Variants in ATXN7 observed in about 807,000 individuals in gnomAD.
ATXN7 encodes the protein ataxin 7.
ATXN7 carries 12 observed loss-of-function variants against 70.5 expected under a neutral mutation model. The observed-to-expected ratio is 0.17, with a 90% CI of 0.11 to 0.28. The LOEUF is 0.28. ATXN7 is among the 10% of genes least tolerant of loss of function. ATXN7 has a pLI of 1.00. For missense variants in ATXN7, 1,256 were observed against 1,131.7 expected, an observed-to-expected ratio of 1.11 and a Z score of -1.58; for synonymous variants, 498 against 448.7, an observed-to-expected ratio of 1.11 and a Z score of -1.39.
At position 63,980,175 on chromosome 3, in the gene ATXN7, T is replaced by C; in HGVS notation, c.752+8T>C. ...AGTTCCCCATGGTAGAATGTGAGTA[T>C]GGCCAAGAGGGTTTTTAAAGCTTAC... is the stretch of plus-strand genomic sequence containing the variant. On this transcript the variant is annotated splice_region_variant and intron_variant, in intron 6 of 12. Coordinates refer to ENST00000674280, the MANE Select transcript of ATXN7 (RefSeq NM_001377405.1). The C allele has an allele frequency of 1.2e-6, 2 of 1,613,892 alleles. No individual in the cohort carries two copies. The highest frequency in any genetic ancestry group is 1.7e-6 in the Non-Finnish European group (2 of 1,179,872).
chr3:63,966,317 A>G (rs75277570), intron 5 of ATXN7, among the ~76,000 whole-genome samples: 156 of 152,292 alleles, frequency 1.0e-3, no homozygotes, highest in Non-Finnish European at 1.7e-3. Context: ...GGGCAGGTGA[A>G]GTAGGGTGAA....
At chr3:63,969,819 A>G (rs1055489746) in intron 5 of ATXN7, among the ~76,000 whole-genome samples, 1 of 152,226 alleles carries the variant, frequency 6.6e-6, no homozygotes, top group African/African-American at 2.4e-5. Flanking sequence ...TCCCTAACAC[A>G]TAGAGGATTG....
At chr3:63,977,237 T>C (rs1294675017) in intron 5 of ATXN7, among the ~76,000 whole-genome samples, 2 of 152,230 alleles carry the variant, frequency 1.3e-5, no homozygotes, top group African/African-American at 4.8e-5. Flanking sequence ...TATGTTCAAA[T>C]TGTTTCTTAG....
chr3:63,941,659 G>A (rs974553135), intron 4 of ATXN7, among the ~76,000 whole-genome samples: 1 of 151,882 alleles, frequency 6.6e-6, no homozygotes, highest in Non-Finnish European at 1.5e-5. Context: ...TTTATTGACT[G>A]CTTTGGTTTA....
chr3:63,863,686 C>G, upstream of ATXN7: 3 of 1,238,726 alleles, frequency 2.4e-6, no homozygotes, highest in Non-Finnish European at 3.0e-6. Flanking sequence ...CGAGGGGTTC[C>G]CGGAAGCGGG....
rs1162904553 is a variant in ATXN7, at chr3:63,996,425, AACAC to A, written c.2607_2610del (p.His869GlnfsTer10). ...CCAGCCGTGAACAATGTCCACATGAAACACACAGGCACCATCCCAGGGGCACAAG... is the reference window on the plus strand; with the variant it reads ...CCAGCCGTGAACAATGTCCACATGAAACAGGCACCATCCCAGGGGCACAAG... On this transcript the variant is annotated frameshift_variant, in exon 12 of 13. Transcript: ENST00000674280. LOFTEE classifies it high-confidence loss of function. 2 of 1,614,056 alleles carry A rather than the reference AACAC, an allele frequency of 1.2e-6. No homozygotes were observed. The highest frequency in any genetic ancestry group is 2.2e-5 in the East Asian group (1 of 44,874).
intron 1 of ATXN7, among the ~76,000 whole-genome samples, chr3:63,896,363 T>G (rs983168579): frequency 1.3e-5 from 2 of 152,218 alleles, no homozygotes; most frequent in Non-Finnish European, 2.9e-5. Context: ...AGTTTAATGA[T>G]TCTAAGAAAA....
chr3:63,928,030 G>C (rs1054132189), intron 4 of ATXN7, among the ~76,000 whole-genome samples: 1 of 152,152 alleles, frequency 6.6e-6, no homozygotes, highest in African/African-American at 2.4e-5. Context: ...TTGTAGTTAC[G>C]CTAGGGTAAC....
rs554914439 is a variant in ATXN7, at chr3:64,001,220, A to C, written c.*1753A>C. 6.6e-6 allele frequency: 1 copy of C among 152,228 alleles called. No homozygotes were observed. The highest frequency in any genetic ancestry group is 2.1e-4 in the South Asian group (1 of 4,828). 9.4% of individuals were successfully genotyped at this position (152,228 alleles called of 1,614,324 possible). A position where few individuals can be genotyped will look rare whatever the true frequency, so the allele number is the denominator to read the frequency against. ...ATACTTTAGCTATAAATTGATGTAA[A>C]ATACTGATTTTTTTAAAGGAAGGAG... is the stretch of plus-strand genomic sequence containing the variant. On this transcript the variant is annotated 3_prime_UTR_variant, in exon 13 of 13. Transcript: ENST00000674280.
intron 5 of ATXN7, among the ~76,000 whole-genome samples, chr3:63,955,846 C>T (rs1328618080): frequency 1.3e-5 from 2 of 152,150 alleles, no homozygotes; most frequent in African/African-American, 2.4e-5. Context: ...CTACCAACTC[C>T]AGCAGGCAGT....
chr3:63,908,383 G>A (rs564689899), intron 2 of ATXN7, among the ~76,000 whole-genome samples: 2 of 152,358 alleles, frequency 1.3e-5, no homozygotes, highest in African/African-American at 4.8e-5. Flanking sequence ...GAAAGATGTA[G>A]TCAGAGGAGT....
intron 11 of ATXN7, among the ~76,000 whole-genome samples, chr3:63,994,754 G>A (rs558755176): frequency 3.9e-5 from 6 of 152,112 alleles, no homozygotes; most frequent in Admixed American, 6.5e-5. Flanking sequence ...CTGCCACCTC[G>A]GTTTAAATTC....
chr3:63,918,355 T>G (rs1704371046), intron 4 of ATXN7, among the ~76,000 whole-genome samples: 1 of 152,228 alleles, frequency 6.6e-6, no homozygotes, highest in South Asian at 2.1e-4. Context: ...GGTACTACAT[T>G]GTGGGTATAA....
chr3:63,863,422 G>A, upstream of ATXN7: 1 of 1,090,938 alleles, frequency 9.2e-7, no homozygotes, highest in Non-Finnish European at 1.1e-6. Context: ...ACTCCCTCTG[G>A]TCCCACCCGC....
chr3:63,902,687 T>G (rs1209914261), intron 2 of ATXN7, among the ~76,000 whole-genome samples: 1 of 152,042 alleles, frequency 6.6e-6, no homozygotes, highest in African/African-American at 2.4e-5. Flanking sequence ...AGAAGGAAAC[T>G]CAAGAGAGGT....
Position 63,869,252 on chromosome 3 carries a change from G to C in ATXN7, c.-111+5094G>C, listed in dbSNP as rs993540466. On this transcript the variant is annotated intron_variant, in intron 1 of 12. Coordinates refer to ENST00000674280, the MANE Select transcript of ATXN7 (RefSeq NM_001377405.1). ...TGAGCTCTCTGGTTGTGTTCAACTT[G>C]GTCCAGTCTCCTTCTTTGAGTCTAG... Among the ~76,000 whole-genome samples the C allele has an allele frequency of 2.0e-5, 3 of 152,042 alleles. No homozygotes were observed. In the East Asian group the frequency reaches 5.8e-4, roughly 29 times the overall value.
intron 2 of ATXN7, chr3:63,902,260 A>C (rs948389102): frequency 2.0e-5 from 3 of 152,070 alleles, no homozygotes; most frequent in African/African-American, 7.2e-5. Context: ...AAGTACAAAA[A>C]TTAGCTAGCC....
At chr3:63,942,033 A>G (rs951336933) in intron 4 of ATXN7, among the ~76,000 whole-genome samples, 1 of 152,166 alleles carries the variant, frequency 6.6e-6, no homozygotes, top group Non-Finnish European at 1.5e-5. Flanking sequence ...CCAACAATGG[A>G]GCCGAGAGTC....
At chr3:63,882,809 G>A (rs1043476659) in intron 1 of ATXN7, among the ~76,000 whole-genome samples, 5 of 152,158 alleles carry the variant, frequency 3.3e-5, no homozygotes, top group African/African-American at 1.2e-4. Context: ...ATTAAAAAAG[G>A]CAACGAACAC....
Sources: gnomAD v4.1 joint callset for allele counts (sites outside exome capture counted in the v4.1 genomes callset) on GRCh38, gnomAD v4.1.1 for gene constraint, MANE v1.5 for transcripts, NCBI Gene and HGNC (gene_info 2026-07-23, HGNC 2026-07-21) for gene names.